The following LDB2 variants were observed in gnomAD, a reference collection of about 807,000 sequenced individuals.
The protein encoded by LDB2 is LIM domain binding 2, also known as LIM domain-binding protein 2.
Under a neutral mutation model 44.3 loss-of-function variants are expected in LDB2, and 12 were observed. The observed-to-expected ratio is 0.27, with a 90% CI of 0.17 to 0.44. The LOEUF is 0.44. Ranked by LOEUF, LDB2 falls within the 20% of genes least tolerant of loss-of-function variation. LDB2 has a pLI of 1.00. For missense variants in LDB2, 344 were observed against 473.5 expected, an observed-to-expected ratio of 0.73 and a Z score of 2.54; for synonymous variants, 164 against 174.8, an observed-to-expected ratio of 0.94 and a Z score of 0.49.
chr4:16,564,028 T>C (rs1227261166), intron 5 of LDB2, among the ~76,000 whole-genome samples: 1 of 152,212 alleles, frequency 6.6e-6, no homozygotes, highest in Non-Finnish European at 1.5e-5. Flanking sequence ...GGGTTACAGC[T>C]GGGTCCCAGG....
chr4:16,558,438 T>A (rs1740636713), intron 5 of LDB2, among the ~76,000 whole-genome samples: 1 of 152,100 alleles, frequency 6.6e-6, no homozygotes, highest in Non-Finnish European at 1.5e-5. Context: ...GCCGATGCGA[T>A]CAACTGGAAG....
In LDB2 at chr4:16,588,893, C is replaced by T. The variant is rs537283988; in HGVS notation, c.409-61G>A. ...ACTTTGTGAAAGCCACATTTTGTAA[C>T]TCACATAGCCACTCAGCGTGGTCTC... On this transcript the variant is annotated intron_variant, in intron 3 of 7. Coordinates refer to ENST00000304523, the MANE Select transcript of LDB2 (RefSeq NM_001290.5). 375 of 1,588,408 alleles carry T rather than the reference C, an allele frequency of 2.4e-4. 6 individuals carry two copies. The South Asian group carries it at 4.1e-3, about 17-fold the overall frequency.
At chr4:16,707,460 A>G (rs1390950945) in intron 2 of LDB2, among the ~76,000 whole-genome samples, 2 of 152,190 alleles carry the variant, frequency 1.3e-5, no homozygotes, top group East Asian at 1.9e-4. Context: ...CTTTTTAATC[A>G]TCACTAGTTA....
At chr4:16,511,899 T>A in intron 6 of LDB2, 82 bp downstream of exon 6, 1 of 1,456,844 alleles carries the variant, frequency 6.9e-7, no homozygotes, top group Non-Finnish European at 9.3e-7. Context: ...TAATGATCAC[T>A]TTCTTCTTTT....
chr4:16,738,164 C>T (rs1561049000), intron 2 of LDB2, among the ~76,000 whole-genome samples: 3 of 152,130 alleles, frequency 2.0e-5, no homozygotes, highest in Admixed American at 2.0e-4. Flanking sequence ...GATATCAACA[C>T]CTGATGTGGT....
intron 2 of LDB2, among the ~76,000 whole-genome samples, chr4:16,724,442 A>G (rs1278246240): frequency 2.6e-5 from 4 of 151,632 alleles, no homozygotes; most frequent in African/African-American, 9.7e-5. Flanking sequence ...AAAGTCATGA[A>G]TCCTGTCTCG....
intron 5 of LDB2, among the ~76,000 whole-genome samples, chr4:16,563,286 G>C (rs936953725): frequency 2.0e-5 from 3 of 151,172 alleles, no homozygotes; most frequent in African/African-American, 7.3e-5. Context: ...CCAGGATCTC[G>C]TTTCTATCTG....
intron 5 of LDB2, among the ~76,000 whole-genome samples, chr4:16,557,134 C>T (rs1350916530): frequency 2.0e-5 from 3 of 152,154 alleles, no homozygotes; most frequent in African/African-American, 4.8e-5. Context: ...TCTATAGCTC[C>T]CAGCGTGAGC....
At chr4:16,803,824 C>T (rs1377020427) in intron 1 of LDB2, among the ~76,000 whole-genome samples, 4 of 152,164 alleles carry the variant, frequency 2.6e-5, no homozygotes, top group African/African-American at 9.7e-5. Context: ...CAATGTCAAG[C>T]ACAGAGGAAT....
intron 2 of LDB2, among the ~76,000 whole-genome samples, chr4:16,746,341 A>G (rs1281925008): frequency 6.6e-6 from 1 of 152,236 alleles, no homozygotes; most frequent in Non-Finnish European, 1.5e-5. Flanking sequence ...GCAAATTATA[A>G]TATCACAGCA....
intron 1 of LDB2, among the ~76,000 whole-genome samples, chr4:16,818,860 A>G (rs904818743): frequency 1.3e-5 from 2 of 152,220 alleles, no homozygotes; most frequent in African/African-American, 4.8e-5. Context: ...AGACAGGGTT[A>G]CTTGAATTTA....
chr4:16,690,272 G>A (rs532395345), intron 2 of LDB2, among the ~76,000 whole-genome samples: 1 of 151,638 alleles, frequency 6.6e-6, no homozygotes, highest in South Asian at 2.1e-4. Flanking sequence ...ACTAGCCTGG[G>A]CAACATGAGA....
At chr4:16,682,042 G>T (rs1748080371) in intron 2 of LDB2, among the ~76,000 whole-genome samples, 2 of 152,098 alleles carry the variant, frequency 1.3e-5, no homozygotes, top group Non-Finnish European at 2.9e-5. Context: ...TTTTCCAGGT[G>T]ACTACATACC....
Position 16,684,728 on chromosome 4 carries a change from A to G in LDB2, c.235+74430T>C, listed in dbSNP as rs56405017. On this transcript the variant is annotated intron_variant, in intron 2 of 7. Coordinates refer to ENST00000304523, the MANE Select transcript of LDB2 (RefSeq NM_001290.5). ...GGATTTGATAACATCGCCACCACAC[A>G]TTATCATCTATGAGGGAAAGCAAAA... Among the ~76,000 whole-genome samples the G allele has an allele frequency of 6.7e-3, 1,023 of 152,348 alleles. 4 individuals are homozygous for G. The highest frequency in any genetic ancestry group is 9.5e-3 in the Non-Finnish European group (647 of 68,034).
intron 1 of LDB2, among the ~76,000 whole-genome samples, chr4:16,760,080 A>T (rs1166013567): frequency 6.6e-6 from 1 of 152,202 alleles, no homozygotes; most frequent in Non-Finnish European, 1.5e-5. Context: ...TGTCATATTT[A>T]CAGGAGGAAT....
At chr4:16,622,750 G>A (rs560334988) in intron 2 of LDB2, among the ~76,000 whole-genome samples, 17 of 152,252 alleles carry the variant, frequency 1.1e-4, no homozygotes, top group African/African-American at 2.2e-4. Flanking sequence ...GGATTTTATC[G>A]CTCTAGCGTA....
Position 16,771,784 on chromosome 4 carries a change from C to T in LDB2, c.133-12524G>A, listed in dbSNP as rs141739357. Among the ~76,000 whole-genome samples the T allele has an allele frequency of 1.1e-3, 168 of 152,322 alleles. 2 individuals are homozygous for T. In the Middle Eastern group the frequency reaches 0.048, roughly 43 times the overall value. ...TTCTCTGTGCCTCCAGTAACTTCAG[C>T]CTGGACAACAATGACTTTTTCCTAA... On this transcript the variant is annotated intron_variant, in intron 1 of 7. Coordinates refer to ENST00000304523, the MANE Select transcript of LDB2 (RefSeq NM_001290.5).
intron 2 of LDB2, among the ~76,000 whole-genome samples, chr4:16,623,457 C>G (rs1729427972): frequency 6.6e-6 from 1 of 152,134 alleles, no homozygotes; most frequent in East Asian, 1.9e-4. Flanking sequence ...ATTAGCCAGG[C>G]GTGGTGCCAC....
chr4:16,813,234 C>G (rs1561315606), intron 1 of LDB2, among the ~76,000 whole-genome samples: 2 of 152,144 alleles, frequency 1.3e-5, no homozygotes, highest in Non-Finnish European at 1.5e-5. Context: ...GATTCACCTG[C>G]CTCAGCCTCC....
Sources: gnomAD v4.1 joint callset for allele counts (sites outside exome capture counted in the v4.1 genomes callset) on GRCh38, gnomAD v4.1.1 for gene constraint, MANE v1.5 for transcripts, NCBI Gene and HGNC (gene_info 2026-07-23, HGNC 2026-07-21) for gene names.